Variants in PLCH2 observed in about 807,000 individuals in gnomAD.
PLCH2 encodes the protein 1-phosphatidylinositol 4,5-bisphosphate phosphodiesterase eta-2.
PLCH2 carries 98 observed loss-of-function variants against 134.7 expected under a neutral mutation model. That is an observed-to-expected ratio of 0.73 (90% CI 0.62 to 0.86). The LOEUF is 0.86. Among genes scored for constraint, PLCH2 ranks in the 40% least tolerant of loss-of-function variants. The pLI is 0.00. For synonymous variants in PLCH2, 974 were observed against 827.5 expected, an observed-to-expected ratio of 1.18 and a Z score of -3.04; for missense variants, 1,994 against 1,986.6, an observed-to-expected ratio of 1.00 and a Z score of -0.07.
At chr1:2,441,185 C>A (rs115285502) in intron 2 of PLCH2, among the ~76,000 whole-genome samples, 7,360 of 152,210 alleles carry the variant, frequency 0.048, 596 homozygotes, top group African/African-American at 0.17. Flanking sequence ...CCCTAGAGGG[C>A]CGGGGGATGG....
At chr1:2,443,769 G>A (rs1471842811) in intron 2 of PLCH2, among the ~76,000 whole-genome samples, 4 of 147,504 alleles carry the variant, frequency 2.7e-5, no homozygotes, top group Admixed American at 2.7e-4. Flanking sequence ...GCGCCTCCAC[G>A]GGGCGCAGTG....
At chr1:2,489,181 C>T (rs1642430903) in intron 8 of PLCH2, 26 bp from the exon 9 acceptor site, 11 of 1,609,776 alleles carry the variant, frequency 6.8e-6, no homozygotes, top group Non-Finnish European at 8.5e-6. Flanking sequence ...TGGCCTCATC[C>T]TGCTCTTTCT....
intron 2 of PLCH2, among the ~76,000 whole-genome samples, chr1:2,437,305 T>C (rs959078613): frequency 3.3e-5 from 5 of 152,110 alleles, no homozygotes; most frequent in Admixed American, 1.3e-4. Flanking sequence ...GGCCCCCACA[T>C]TCTCTAGGGT....
upstream of PLCH2, among the ~76,000 whole-genome samples, chr1:2,425,526 A>G (rs912335002): frequency 2.0e-5 from 3 of 152,126 alleles, no homozygotes; most frequent in East Asian, 1.9e-4. Flanking sequence ...TTTAGGTGGC[A>G]GGCTTTAGAC....
Position 2,483,924 on chromosome 1 carries a change from G to T in PLCH2, c.646-524G>T, listed in dbSNP as rs370850979. Among the ~76,000 whole-genome samples the T allele has an allele frequency of 9.7e-3, 389 of 39,956 alleles. 105 individuals carry two copies. The highest frequency in any genetic ancestry group is 0.014 in the Non-Finnish European group (243 of 17,750). 26.2% of individuals were successfully genotyped at this position (39,956 alleles called of 152,430 possible). On this transcript the variant is annotated intron_variant, in intron 4 of 21. Transcript: ENST00000378486. The stretch of plus-strand genomic sequence containing the variant: ...GGGGGGCGCTGACTCCCGTGTGGGG[G>T]GGCGCTGACTCCCGTGTGGGTGGCG...
rs574358489 is a variant in PLCH2 at position 2,444,855 on chromosome 1, G to A, written c.115+14226G>A. Among the ~76,000 whole-genome samples, 2 of 152,100 alleles carry A rather than the reference G, an allele frequency of 1.3e-5. No homozygotes were observed. Among genetic ancestry groups the A allele is most frequent in the African/African-American group, 4.8e-5 (2 of 41,482 alleles). The stretch of plus-strand genomic sequence containing the variant: ...CGTTGGTCTGGGGAGGCGGGGTCAC[G>A]GTGCCCCAACACCCCTGACTTGGGG... On this transcript the variant is annotated intron_variant, in intron 2 of 3. Coordinates refer to the PLCH2 transcript ENST00000609981. This position sits in a 1 kb window ranked among gnomAD's most constrained non-coding sequence, Gnocchi z 4.6.
intron 2 of PLCH2, among the ~76,000 whole-genome samples, chr1:2,436,429 T>C (rs111618242): frequency 0.027 from 429 of 15,710 alleles, 65 homozygotes; most frequent in East Asian, 0.099. Context: ...TTTCCTCCTT[T>C]CTCCCTCCTC....
In PLCH2 at chr1:2,436,811, G is replaced by A. The variant is rs187432391; in HGVS notation, c.115+6182G>A. Among the ~76,000 whole-genome samples, 440 of 152,360 alleles carry A rather than the reference G, an allele frequency of 2.9e-3. 3 individuals are homozygous for A. Among genetic ancestry groups the A allele is most frequent in the African/African-American group, 9.2e-3 (382 of 41,578 alleles). ...TGGGCACTGTGGCTCCTGGAGTCTG[G>A]TGAAGAGGGCAGGGTTGGTCTTCCT... On this transcript the variant is annotated intron_variant, in intron 2 of 3. Coordinates refer to the PLCH2 transcript ENST00000609981.
intron 21 of PLCH2, chr1:2,502,752 C>T (rs976847735): frequency 2.0e-5 from 14 of 716,298 alleles, no homozygotes; most frequent in African/African-American, 1.4e-4. Flanking sequence ...TCCATGTCCT[C>T]GGACTCCAGC....
upstream of PLCH2, among the ~76,000 whole-genome samples, chr1:2,473,915 C>T (rs2100630370): frequency 6.6e-6 from 1 of 152,384 alleles, no homozygotes; most frequent in East Asian, 1.9e-4. Context: ...CACCTGAGCT[C>T]CCACATCAGG....
chr1:2,463,532 G>A (rs1010724374), upstream of PLCH2, among the ~76,000 whole-genome samples: 2 of 152,224 alleles, frequency 1.3e-5, no homozygotes, highest in Non-Finnish European at 1.5e-5. Context: ...GACAGAACTC[G>A]GAAGCTGAAA....
chr1:2,487,604 G>T lies in PLCH2; in HGVS notation c.1121G>T (p.Cys374Phe). The T allele has an allele frequency of 2.5e-6, 4 of 1,612,624 alleles. No individual in the cohort carries two copies. The highest frequency in any genetic ancestry group is 3.4e-6 in the Non-Finnish European group (4 of 1,179,626). The change falls in exon 8 of 22, where the codon TGC becomes TTC. Residue 374 changes from cysteine (C) to phenylalanine (F), a missense_variant. Transcript: ENST00000378486. ...QAGCRCVEVD[C>F]WDGPDGEPIV... ...AAGGCCTGCCCGCCTGCAGTGGACT[G>T]CTGGGATGGGCCCGACGGGGAGCCC...
At chr1:2,438,926 C>T (rs375768381) in intron 2 of PLCH2, among the ~76,000 whole-genome samples, 3 of 152,328 alleles carry the variant, frequency 2.0e-5, no homozygotes, top group Non-Finnish European at 1.5e-5. Context: ...TGCCCCACTT[C>T]GCCGGCGTGG....
chr1:2,452,278 G>A (rs1640277933), intron 2 of PLCH2, among the ~76,000 whole-genome samples: 1 of 152,184 alleles, frequency 6.6e-6, no homozygotes, highest in African/African-American at 2.4e-5. Context: ...CTGAGGCCTG[G>A]GTCCCCCTGC....
Position 2,503,952 on chromosome 1 carries a change from TCC to T in PLCH2, c.2995_2996del (p.Pro999ThrfsTer9). 2 of 814,812 alleles carry T rather than the reference TCC, an allele frequency of 2.5e-6. No homozygotes were observed. The highest frequency in any genetic ancestry group is 3.0e-6 in the Non-Finnish European group (2 of 656,412). 50.5% of individuals were successfully genotyped at this position (814,812 alleles called of 1,614,324 possible). A position where few individuals can be genotyped will look rare whatever the true frequency, so the allele number is the denominator to read the frequency against. The stretch of plus-strand genomic sequence containing the variant: ...CGCCCCCTCTCCACGCAGCGGCCAC[TCC>T]CCCCACTGTGCAGCCTGGAAACCAT... On this transcript the variant is annotated frameshift_variant, in exon 22 of 22. Transcript: ENST00000378486. LOFTEE classifies it high-confidence loss of function.
chr1:2,479,940 G>A lies in PLCH2; in HGVS notation c.478G>A (p.Glu160Lys), dbSNP rs370760488. The change falls in exon 3 of 22, where the codon GAG becomes AAG. Residue 160 changes from glutamate to lysine, a missense_variant. This residue lies in a region of PLCH2 where 1,094 missense variants were observed against 1,234.3 expected (regional missense o/e 0.89). Coordinates refer to ENST00000378486, the MANE Select transcript of PLCH2 (RefSeq NM_014638.4). ...CTACCTCATGGCCGGCATCAGCGAC[G>A]AGGACAGCCTGGCTCGCCGCCAGCG... The part of the protein sequence containing the change: ...LRYLMAGISD[E>K]DSLARRQRTR... 2.1e-5 allele frequency: 34 copies of A among 1,609,086 alleles called. No individual in the cohort carries two copies. The highest frequency in any genetic ancestry group is 2.7e-5 in the Non-Finnish European group (32 of 1,177,658).
At chr1:2,471,463 T>C (rs1024288662), upstream of PLCH2, among the ~76,000 whole-genome samples, 2 of 152,212 alleles carry the variant, frequency 1.3e-5, no homozygotes, top group Non-Finnish European at 2.9e-5. Context: ...TCCTGCACCT[T>C]TCTGTGCAAC....
chr1:2,504,389 G>T lies in PLCH2; in HGVS notation c.3427G>T (p.Val1143Phe). The T allele has an allele frequency of 1.2e-6, 2 of 1,612,246 alleles. No individual in the cohort carries two copies. The highest frequency in any genetic ancestry group is 1.7e-6 in the Non-Finnish European group (2 of 1,179,750). ...RLEPCGHRDSVSSSSSMSSSD... is the reference protein window; with the variant it reads ...RLEPCGHRDSFSSSSSMSSSD... ...GGAGCCATGTGGCCACCGAGACAGC[G>T]TTTCCTCCTCCTCCAGCATGTCATC... The change falls in exon 22 of 22, where the codon GTT (valine) becomes TTT (phenylalanine). Residue 1143 changes from valine (V) to phenylalanine (F), a missense_variant. Around this residue, in one of 2 missense-constraint regions of PLCH2, gnomAD observed 900 missense variants for 752.3 expected, o/e 1.20. Transcript: ENST00000378486.
intron 1 of PLCH2, among the ~76,000 whole-genome samples, chr1:2,478,009 A>C (rs1277633493): frequency 6.6e-6 from 1 of 152,156 alleles, no homozygotes; most frequent in Non-Finnish European, 1.5e-5. Flanking sequence ...ATGGCCCCAG[A>C]CAGCCAGCCC....
Sources: gnomAD v4.1 joint callset for allele counts (sites outside exome capture counted in the v4.1 genomes callset) on GRCh38, gnomAD v4.1.1 for gene constraint, gnomAD v4.1.1 regional missense constraint, Gnocchi (gnomAD v3.1) non-coding constraint, MANE v1.5 for transcripts, NCBI Gene and HGNC (gene_info 2026-07-23, HGNC 2026-07-21) for gene names.